ARPP21: variants seen among roughly 807,000 people sequenced by gnomAD.
The protein encoded by ARPP21 is cAMP-regulated phosphoprotein 21.
In ARPP21, 69 loss-of-function variants were observed where a neutral mutation model predicts 113.2. The observed-to-expected ratio is 0.61, with a 90% confidence interval of 0.50 to 0.74. The LOEUF is 0.74. Ranked by LOEUF, ARPP21 falls within the 30% of genes least tolerant of loss-of-function variation. The pLI is 0.00. For synonymous variants in ARPP21, 368 were observed against 375.5 expected (o/e 0.98, Z 0.23); for missense variants, 1,070 against 1,037.4 (o/e 1.03, Z -0.43).
intron 5 of ARPP21, chr3:35,685,953 T>C (rs1291479676): frequency 9.6e-6 from 3 of 313,988 alleles, no homozygotes; most frequent in Non-Finnish European, 1.4e-5. Context: ...ATATTTTTTT[T>C]CCTGAGTATA....
intron 9 of ARPP21, among the ~76,000 whole-genome samples, chr3:35,701,160 G>A (rs894587730): frequency 2.0e-5 from 3 of 151,010 alleles, no homozygotes; most frequent in Non-Finnish European, 4.4e-5. Flanking sequence ...TTTTACATAG[G>A]GGCCAAACAA....
chr3:35,680,899 T>G (rs1164963664), intron 2 of ARPP21: 1 of 151,758 alleles, frequency 6.6e-6, no homozygotes, highest in African/African-American at 2.4e-5. Flanking sequence ...GAAGGGGAAG[T>G]GTCAGGGGTT....
At chr3:35,658,411 A>C (rs1706038460) in intron 1 of ARPP21, among the ~76,000 whole-genome samples, 1 of 152,146 alleles carries the variant, frequency 6.6e-6, no homozygotes, top group South Asian at 2.1e-4. Context: ...TAATGTATGA[A>C]AACATGATAC....
chr3:35,744,082 C>T lies in ARPP21; in HGVS notation c.2137+117C>T, dbSNP rs916423084. ...TTTAAACCAGCACATTTTCTCTACC[C>T]AGAGAAGATAACAAAGCATTTGATT... On this transcript the variant is annotated intron_variant, in intron 19 of 20. Coordinates refer to ENST00000684406, the MANE Select transcript of ARPP21 (RefSeq NM_001385562.1). 3.7e-6 allele frequency: 4 copies of T among 1,073,866 alleles called. No homozygotes were observed. The African/African-American group carries it at 6.2e-5, about 17-fold the overall frequency. 66.5% of individuals were successfully genotyped at this position (1,073,866 alleles called of 1,614,324 possible).
chr3:35,699,927 C>G (rs911077416), intron 9 of ARPP21, among the ~76,000 whole-genome samples: 2 of 151,732 alleles, frequency 1.3e-5, no homozygotes, highest in African/African-American at 4.8e-5. Flanking sequence ...ATACACAGAT[C>G]AATCCATTAT....
In ARPP21 at chr3:35,721,509, G is replaced by T. The variant is rs1302054445; in HGVS notation, c.996-96G>T. 4.2e-6 allele frequency: 3 copies of T among 712,818 alleles called. No individual in the cohort carries two copies. In the East Asian group the frequency reaches 8.0e-5, roughly 19 times the overall value. The allele number at this position is 712,818 out of a possible 1,614,324, so 44.2% of individuals were successfully genotyped here. On this transcript the variant is annotated intron_variant, in intron 13 of 20. Transcript: ENST00000684406. ...GGGTTGGCAGGAAGGGTCTTGTGTG[G>T]ATCACCTTCCAAGAAAAGCCTTGCT...
intron 9 of ARPP21, among the ~76,000 whole-genome samples, chr3:35,704,313 T>C (rs898668640): frequency 2.0e-5 from 3 of 151,824 alleles, no homozygotes; most frequent in African/African-American, 4.8e-5. Flanking sequence ...GATTACATTT[T>C]AGTTATGTTG....
At chr3:35,698,143 G>A (rs9843513) in intron 9 of ARPP21, among the ~76,000 whole-genome samples, 6,128 of 151,574 alleles carry the variant, frequency 0.04, 182 homozygotes, top group African/African-American at 0.068. Flanking sequence ...AAGACACTTC[G>A]TTTTTTAATC....
At chr3:35,774,571 G>A (rs540584547) in intron 19 of ARPP21, among the ~76,000 whole-genome samples, 1 of 152,242 alleles carries the variant, frequency 6.6e-6, no homozygotes, top group South Asian at 2.1e-4. Context: ...CGTTTGAATT[G>A]TGTTATACTT....
At chr3:35,688,084 GT>G (rs1360632401) in intron 6 of ARPP21, among the ~76,000 whole-genome samples, 1 of 151,474 alleles carries the variant, frequency 6.6e-6, no homozygotes, top group East Asian at 2.0e-4. Context: ...TGCTAGACAG[GT>G]TATTTTTAGG....
At chr3:35,754,945 A>G (rs1221709645) in intron 19 of ARPP21, among the ~76,000 whole-genome samples, 1 of 152,002 alleles carries the variant, frequency 6.6e-6, no homozygotes, top group East Asian at 1.9e-4. Flanking sequence ...AAACAGAAAG[A>G]AAAAGGAGAT....
intron 19 of ARPP21, among the ~76,000 whole-genome samples, chr3:35,779,065 A>G (rs1462773408): frequency 2.0e-5 from 3 of 152,174 alleles, no homozygotes; most frequent in Non-Finnish European, 4.4e-5. Context: ...TACAACTCAT[A>G]CATTTCTTGA....
At position 35,737,368 on chromosome 3, in the gene ARPP21, G is replaced by A; in HGVS notation, c.1644+6G>A. The A allele has an allele frequency of 6.3e-7, 1 of 1,596,256 alleles. No individual in the cohort carries two copies. The highest frequency in any genetic ancestry group is 8.6e-7 in the Non-Finnish European group (1 of 1,168,206). On this transcript the variant is annotated splice_donor_region_variant and intron_variant, in intron 16 of 20. Transcript: ENST00000684406. The stretch of plus-strand genomic sequence containing the variant: ...CAGGCCCTCTGGTCACTCAGGTAGG[G>A]GGCTGGTTGGAAGGCAGGGAAGGGA...
chr3:35,642,537 A>G (rs1440649770), intron 1 of ARPP21: 1 of 152,164 alleles, frequency 6.6e-6, no homozygotes, highest in Non-Finnish European at 1.5e-5. Flanking sequence ...CCTCTTCACT[A>G]GTTCTTAGAA....
At chr3:35,771,883 T>C (rs963026307) in intron 19 of ARPP21, among the ~76,000 whole-genome samples, 5 of 152,242 alleles carry the variant, frequency 3.3e-5, no homozygotes, top group African/African-American at 1.2e-4. Flanking sequence ...GACTATATTA[T>C]GTTCAGATCA....
At chr3:35,686,801 A>G (rs2080741008) in intron 5 of ARPP21, among the ~76,000 whole-genome samples, 4 of 151,630 alleles carry the variant, frequency 2.6e-5, no homozygotes, top group Admixed American at 2.6e-4. Flanking sequence ...CATAGGTTTT[A>G]CATAAAACTG....
chr3:35,748,414 GAA>G (rs1310078402), intron 19 of ARPP21, among the ~76,000 whole-genome samples: 1 of 135,300 alleles, frequency 7.4e-6, no homozygotes, highest in Non-Finnish European at 1.6e-5. Flanking sequence ...AAAGGAGAGA[GAA>G]AGAAAAGAGA....
At chr3:35,651,673 G>A (rs1186203748) in intron 1 of ARPP21, 2 of 151,974 alleles carry the variant, frequency 1.3e-5, no homozygotes, top group African/African-American at 2.4e-5. Flanking sequence ...TTTCTAAAAG[G>A]GGATTGTTCT....
At chr3:35,691,085 CA>C in intron 9 of ARPP21, 80 bp downstream of exon 9, 1 of 1,394,480 alleles carries the variant, frequency 7.2e-7, no homozygotes, top group Non-Finnish European at 9.6e-7. Context: ...ATAAAATTCA[CA>C]GTACATGACA....
Sources: gnomAD v4.1 joint callset for allele counts (sites outside exome capture counted in the v4.1 genomes callset) on GRCh38, gnomAD v4.1.1 for gene constraint, MANE v1.5 for transcripts, NCBI Gene and HGNC (gene_info 2026-07-23, HGNC 2026-07-21) for gene names.